The following DPH6 variants were observed in gnomAD, a reference collection of about 807,000 sequenced individuals.
The protein encoded by DPH6 is diphthine--ammonia ligase.
In DPH6, 33 loss-of-function variants were observed where a neutral mutation model predicts 38.2. That is an observed-to-expected ratio of 0.86 (90% CI 0.65 to 1.15). DPH6 has a LOEUF of 1.15. Ranked by LOEUF, DPH6 falls within the 50% of genes most tolerant of loss-of-function variation. The pLI is 0.00. For synonymous variants in DPH6, 108 were observed against 103.0 expected, an observed-to-expected ratio of 1.05 and a Z score of -0.30; for missense variants, 325 against 320.0, an observed-to-expected ratio of 1.02 and a Z score of -0.12.
intron 3 of DPH6, among the ~76,000 whole-genome samples, chr15:35,354,104 T>C (rs1016677241): frequency 6.6e-6 from 1 of 152,216 alleles, no homozygotes; most frequent in African/African-American, 2.4e-5. Context: ...TGTATAAGAA[T>C]GCTTGTGATT....
intron 3 of DPH6, among the ~76,000 whole-genome samples, chr15:35,253,405 T>C (rs1221446099): frequency 6.6e-6 from 1 of 152,198 alleles, no homozygotes; most frequent in Non-Finnish European, 1.5e-5. Context: ...AAAACATGCC[T>C]GTGCAAATGA....
intron 3 of DPH6, among the ~76,000 whole-genome samples, chr15:35,472,940 T>G (rs2054216070): frequency 6.7e-6 from 1 of 149,570 alleles, no homozygotes; most frequent in Non-Finnish European, 1.5e-5. Flanking sequence ...AAATACATCA[T>G]AAAATTCAGT....
chr15:35,542,340 T>C lies in DPH6; in HGVS notation c.118+73A>G, dbSNP rs1595457255. The C allele has an allele frequency of 8.0e-6, 10 of 1,254,024 alleles. No individual in the cohort carries two copies. The East Asian group carries it at 1.4e-4, about 18-fold the overall frequency. 77.7% of individuals were successfully genotyped at this position (1,254,024 alleles called of 1,614,324 possible). On this transcript the variant is annotated intron_variant, in intron 2 of 8. Transcript: ENST00000256538. ...CTTTTTTTTTCATCTTTGTACGGTA[T>C]ACCTGTACAATGTAATTATGAAGTT...
the DPH6 span, among the ~76,000 whole-genome samples, chr15:35,210,858 G>A: frequency 1.4e-5 from 2 of 147,042 alleles, no homozygotes. Context: ...TCAAATATGT[G>A]TCTTTAAAGT....
At chr15:35,251,507 A>T (rs1363463033) in intron 3 of DPH6, among the ~76,000 whole-genome samples, 1 of 152,184 alleles carries the variant, frequency 6.6e-6, no homozygotes, top group African/African-American at 2.4e-5. Flanking sequence ...GGTCTACAGG[A>T]TAAAACTCAA....
chr15:35,515,487 C>T (rs527842165), intron 3 of DPH6, among the ~76,000 whole-genome samples: 5 of 151,804 alleles, frequency 3.3e-5, no homozygotes, highest in East Asian at 1.9e-4. Flanking sequence ...TTTGGGAGGC[C>T]GAGGTGGGTG....
chr15:35,491,410 C>A (rs146499053), intron 3 of DPH6, among the ~76,000 whole-genome samples: 36 of 152,140 alleles, frequency 2.4e-4, no homozygotes, highest in Admixed American at 2.0e-4. Flanking sequence ...AAATCACTGT[C>A]ATAAACCAAA....
intron 3 of DPH6, among the ~76,000 whole-genome samples, chr15:35,483,334 T>A (rs1310792732): frequency 6.6e-6 from 1 of 151,760 alleles, no homozygotes; most frequent in Non-Finnish European, 1.5e-5. Flanking sequence ...TGTGGTGGTG[T>A]GCACCTGTAA....
chr15:35,417,096 T>C (rs2053445904), intron 5 of DPH6, among the ~76,000 whole-genome samples: 1 of 152,054 alleles, frequency 6.6e-6, no homozygotes, highest in Non-Finnish European at 1.5e-5. Context: ...TCATAGTAAT[T>C]GTTTTTATAA....
chr15:35,169,705 T>C, the DPH6 span: 1 of 152,152 alleles, frequency 6.6e-6, no homozygotes, highest in Non-Finnish European at 1.5e-5. Context: ...TTTGTTGCAA[T>C]GTAAAGATAA....
chr15:35,521,043 T>C lies in DPH6; in HGVS notation c.312+17231A>G, dbSNP rs938771779. 1.0e-5 allele frequency: 10 copies of C among 985,142 alleles called. No homozygotes were observed. The African/African-American group carries it at 1.4e-4, about 14-fold the overall frequency. 61.0% of individuals were successfully genotyped at this position (985,142 alleles called of 1,614,324 possible). A position where few individuals can be genotyped will look rare whatever the true frequency, so the allele number is the denominator to read the frequency against. On this transcript the variant is annotated intron_variant, in intron 3 of 8. Coordinates refer to ENST00000256538, the MANE Select transcript of DPH6 (RefSeq NM_080650.4). Reference sequence around the variant, plus strand: ...GGAGGGGAAGGGGCTTTAGATGGTATGTAGATTTCATTTTATTACAAAAGC... The same window carrying C: ...GGAGGGGAAGGGGCTTTAGATGGTACGTAGATTTCATTTTATTACAAAAGC...
At chr15:35,278,679 G>C (rs1595458449) in intron 3 of DPH6, among the ~76,000 whole-genome samples, 1 of 152,172 alleles carries the variant, frequency 6.6e-6, no homozygotes, top group Admixed American at 6.5e-5. Context: ...CCTGTGGGCT[G>C]CATCCAGCAA....
chr15:35,327,335 CCT>C (rs2052290982), downstream of DPH6, among the ~76,000 whole-genome samples: 1 of 144,256 alleles, frequency 6.9e-6, no homozygotes, highest in Non-Finnish European at 1.5e-5. Context: ...AGAAAAGGTT[CCT>C]TTTTTTTTTT....
chr15:35,447,378 G>A (rs2053868078), intron 5 of DPH6, among the ~76,000 whole-genome samples: 1 of 152,066 alleles, frequency 6.6e-6, no homozygotes, highest in African/African-American at 2.4e-5. Context: ...AAGGTCACAT[G>A]GTTACAGCTC....
chr15:35,495,686 T>C (rs971286333), intron 3 of DPH6, among the ~76,000 whole-genome samples: 1 of 152,186 alleles, frequency 6.6e-6, no homozygotes, highest in Non-Finnish European at 1.5e-5. Flanking sequence ...AGATTCAGTA[T>C]AATCCCGCTC....
intron 3 of DPH6, among the ~76,000 whole-genome samples, chr15:35,344,912 A>AT (rs2052449280): frequency 6.6e-6 from 1 of 151,940 alleles, no homozygotes; most frequent in Non-Finnish European, 1.5e-5. Context: ...AAATGACTTT[A>AT]ATCCTCTTTG....
At chr15:35,194,704 C>G in the DPH6 span, among the ~76,000 whole-genome samples, 5 of 152,262 alleles carry the variant, frequency 3.3e-5, no homozygotes, top group Middle Eastern at 3.4e-3. Flanking sequence ...ATGGCTAGTA[C>G]TAACTACATC....
At chr15:35,394,574 A>C (rs1050977967) in intron 6 of DPH6, among the ~76,000 whole-genome samples, 1 of 152,192 alleles carries the variant, frequency 6.6e-6, no homozygotes, top group African/African-American at 2.4e-5. Context: ...GGCACAGTGA[A>C]AGCAGCATTG....
chr15:35,365,198 G>A (rs181043178), intron 3 of DPH6, among the ~76,000 whole-genome samples: 19 of 152,058 alleles, frequency 1.2e-4, no homozygotes, highest in African/African-American at 2.9e-4. Flanking sequence ...CCTAGATCAC[G>A]CTTATTCCCT....
Sources: allele counts gnomAD v4.1 joint callset (sites outside exome capture counted in the v4.1 genomes callset), GRCh38; gene constraint gnomAD v4.1.1; transcripts MANE v1.5; gene names NCBI Gene and HGNC (gene_info 2026-07-23, HGNC 2026-07-21).